CASQ2: variants seen among roughly 807,000 people sequenced by gnomAD.
CASQ2 encodes calsequestrin-2.
Under a neutral mutation model 46.5 loss-of-function variants are expected in CASQ2, and 49 were observed. The ratio of observed to expected loss-of-function variants is 1.05; its 90% confidence interval spans 0.84 to 1.34. The LOEUF (loss-of-function observed/expected upper bound fraction) is 1.34. Ranked by LOEUF, CASQ2 falls within the 40% of genes most tolerant of loss-of-function variation. The pLI, the probability that CASQ2 is intolerant of heterozygous loss-of-function variation, is 0.00. For synonymous variants in CASQ2, 174 were observed against 168.5 expected, an observed-to-expected ratio of 1.03 and a Z score of -0.25; for missense variants, 486 against 481.3, an observed-to-expected ratio of 1.01 and a Z score of -0.09.
chr1:115,730,353 T>C (rs965350397), intron 5 of CASQ2, among the ~76,000 whole-genome samples: 4 of 152,220 alleles, frequency 2.6e-5, no homozygotes, highest in African/African-American at 9.7e-5. Flanking sequence ...TTGGTTTGTT[T>C]ACTTTTGAAC....
At chr1:115,709,001 T>C (rs1654447876) in intron 8 of CASQ2, among the ~76,000 whole-genome samples, 1 of 152,238 alleles carries the variant, frequency 6.6e-6, no homozygotes, top group Non-Finnish European at 1.5e-5. Context: ...TTAATTCCTT[T>C]GCTTTTAAGG....
intron 1 of CASQ2, among the ~76,000 whole-genome samples, chr1:115,753,732 A>G (rs1000819304): frequency 1.3e-5 from 2 of 152,150 alleles, no homozygotes; most frequent in South Asian, 2.1e-4. Context: ...AGAAAGTTAT[A>G]TTTGTACCAT....
chr1:115,701,985 T>C (rs10923209), intron 10 of CASQ2, among the ~76,000 whole-genome samples: 31,683 of 151,518 alleles, frequency 0.21, 3,489 homozygotes, highest in East Asian at 0.41. Flanking sequence ...TGCAATGGCA[T>C]GGTCTTGGCT....
rs963687489 is a variant in CASQ2, at chr1:115,752,346, C to A, written c.235-7434G>T. Among the ~76,000 whole-genome samples the A allele has an allele frequency of 2.0e-5, 3 of 152,276 alleles. No individual in the cohort carries two copies. The East Asian group carries it at 5.8e-4, about 29-fold the overall frequency. The stretch of plus-strand genomic sequence containing the variant: ...ATGTTGTAGCCTGTAAGCTCTATGT[C>A]CACGTCTGTTTTTCTCCCATGCTAT... On this transcript the variant is annotated intron_variant, in intron 1 of 10. Transcript: ENST00000261448.
chr1:115,710,632 T>G (rs1032716673), intron 8 of CASQ2, among the ~76,000 whole-genome samples: 1 of 152,120 alleles, frequency 6.6e-6, no homozygotes, highest in Non-Finnish European at 1.5e-5. Flanking sequence ...TCCCTTCCCC[T>G]CCTTCAAACC....
At chr1:115,702,784 G>A (rs972611940) in intron 10 of CASQ2, 137 bp downstream of exon 10, 1 of 718,410 alleles carries the variant, frequency 1.4e-6, no homozygotes, top group East Asian at 2.7e-5. Context: ...GAACACACTG[G>A]CAAGTTTCCT....
intron 1 of CASQ2, among the ~76,000 whole-genome samples, chr1:115,748,534 GCTTT>G (rs1334861770): frequency 2.3e-5 from 1 of 42,612 alleles, no homozygotes; most frequent in East Asian, 8.1e-4. Flanking sequence ...CCCTCATTCA[GCTTT>G]CTCTTATTTC....
At position 115,745,835 on chromosome 1, in the gene CASQ2, C is replaced by T. The variant is rs770065801; in HGVS notation, c.235-923G>A. Among the ~76,000 whole-genome samples the T allele has an allele frequency of 2.6e-5, 4 of 152,018 alleles. No homozygotes were observed. In the South Asian group the frequency reaches 8.3e-4, roughly 32 times the overall value. On this transcript the variant is annotated intron_variant, in intron 1 of 10. Transcript: ENST00000261448. ...CAGAGAGATATCTTGTACATTTTACCCAGTTTCCCTCAACAGTAACATCTT... is the reference window on the plus strand; with the variant it reads ...CAGAGAGATATCTTGTACATTTTACTCAGTTTCCCTCAACAGTAACATCTT...
intron 3 of CASQ2, among the ~76,000 whole-genome samples, chr1:115,740,143 G>T (rs1246719329): frequency 6.6e-6 from 1 of 152,192 alleles, no homozygotes; most frequent in Admixed American, 6.5e-5. Flanking sequence ...AAGAATATGT[G>T]TTCAAAGCAT....
chr1:115,716,556 A>G (rs958230671), intron 8 of CASQ2, among the ~76,000 whole-genome samples: 2 of 152,148 alleles, frequency 1.3e-5, no homozygotes, highest in Non-Finnish European at 1.5e-5. Flanking sequence ...CACACACACA[A>G]GCACACACAC....
intron 1 of CASQ2, among the ~76,000 whole-genome samples, chr1:115,761,729 C>T (rs909035477): frequency 1.6e-4 from 24 of 151,928 alleles, no homozygotes; most frequent in Non-Finnish European, 3.2e-4. Context: ...AAGAGATCCA[C>T]TAAACAGCTG....
At chr1:115,729,961 T>C (rs923325705) in intron 5 of CASQ2, among the ~76,000 whole-genome samples, 1 of 152,220 alleles carries the variant, frequency 6.6e-6, no homozygotes, top group Non-Finnish European at 1.5e-5. Context: ...TTTTAAGAAC[T>C]GATATTTTTC....
At chr1:115,763,977 T>C (rs1190126649) in intron 1 of CASQ2, among the ~76,000 whole-genome samples, 2 of 152,002 alleles carry the variant, frequency 1.3e-5, no homozygotes, top group Admixed American at 1.3e-4. Context: ...GCCACTGTGG[T>C]GTGACTAAAT....
chr1:115,743,827 G>A (rs921498498), intron 2 of CASQ2, among the ~76,000 whole-genome samples: 1 of 151,772 alleles, frequency 6.6e-6, no homozygotes, highest in Non-Finnish European at 1.5e-5. Context: ...CAGTACATGT[G>A]TGTCAGTGTT....
intron 2 of CASQ2, among the ~76,000 whole-genome samples, chr1:115,744,188 G>A (rs1008820165): frequency 5.9e-5 from 9 of 151,528 alleles, no homozygotes; most frequent in Non-Finnish European, 1.2e-4. Context: ...AAAACCAGAG[G>A]AACTACCTCC....
At chr1:115,707,589 C>A (rs533892033) in intron 8 of CASQ2, among the ~76,000 whole-genome samples, 1 of 152,166 alleles carries the variant, frequency 6.6e-6, no homozygotes, top group Admixed American at 6.5e-5. Flanking sequence ...CGTGTGGACA[C>A]TATGGGTCGT....
rs370092811 is a variant in CASQ2 at position 115,705,173 on chromosome 1, G to T, written c.939+19C>A. On this transcript the variant is annotated intron_variant, in intron 9 of 10. Transcript: ENST00000261448. ...TTGTGACAGCAACTGAGGGTGGGGC[G>T]CTGGCTGGAGCCACTCACCAGAGGA... is the stretch of plus-strand genomic sequence containing the variant. The T allele has an allele frequency of 7.3e-5, 109 of 1,500,778 alleles. No homozygotes were observed. The highest frequency in any genetic ancestry group is 9.2e-5 in the Non-Finnish European group (99 of 1,076,468). The allele number at this position is 1,500,778 out of a possible 1,614,324, so 93.0% of individuals were successfully genotyped here.
intron 1 of CASQ2, among the ~76,000 whole-genome samples, chr1:115,750,490 A>G (rs9428219): frequency 2.0e-5 from 3 of 152,064 alleles, no homozygotes; most frequent in African/African-American, 7.3e-5. Context: ...TTTAAAAGTT[A>G]TTTTAAGGTC....
chr1:115,728,006 GCT>G (rs1394289112), intron 5 of CASQ2, among the ~76,000 whole-genome samples: 10 of 152,162 alleles, frequency 6.6e-5, no homozygotes, highest in African/African-American at 2.4e-4. Flanking sequence ...AATGTGCAAC[GCT>G]CTATAGAAAA....
Sources: allele counts gnomAD v4.1 joint callset (sites outside exome capture counted in the v4.1 genomes callset), GRCh38; gene constraint gnomAD v4.1.1; transcripts MANE v1.5; gene names NCBI Gene and HGNC (gene_info 2026-07-23, HGNC 2026-07-21).